SLC24A2: variants seen among roughly 807,000 people sequenced by gnomAD.
SLC24A2 encodes solute carrier family 24 member 2.
SLC24A2 carries 36 observed loss-of-function variants against 62.0 expected under a neutral mutation model. The ratio of observed to expected loss-of-function variants is 0.58; its 90% CI spans 0.44 to 0.77. SLC24A2 has a LOEUF of 0.77. SLC24A2 is among the 30% of genes least tolerant of loss of function. The pLI, the probability that SLC24A2 is intolerant of heterozygous loss-of-function variation, is 0.00. For synonymous variants in SLC24A2, 358 were observed against 294.0 expected, an observed-to-expected ratio of 1.22 and a Z score of -2.23; for missense variants, 846 against 817.9, an observed-to-expected ratio of 1.03 and a Z score of -0.42.
In SLC24A2 at chr9:19,549,507, C is replaced by T. The variant is rs150038027; in HGVS notation, c.1479+630G>A. Among the ~76,000 whole-genome samples the T allele has an allele frequency of 1.6e-3, 249 of 152,320 alleles. 1 individual carries two copies. The highest frequency in any genetic ancestry group is 5.8e-3 in the African/African-American group (241 of 41,562). On this transcript the variant is annotated intron_variant, in intron 8 of 10. Transcript: ENST00000341998. ...TTCTGCCTTCTGTCACTGCAACATT[C>T]ACTCTTGGAGTCCTGACTGACCTCT... is the stretch of plus-strand genomic sequence containing the variant.
the SLC24A2 span, among the ~76,000 whole-genome samples, chr9:20,231,821 T>C: frequency 2.6e-5 from 4 of 152,100 alleles, no homozygotes; most frequent in African/African-American, 9.7e-5. Context: ...CCCGTTTTCA[T>C]AGGTAATGCT....
At chr9:20,200,397 G>A in the SLC24A2 span, among the ~76,000 whole-genome samples, 4 of 152,194 alleles carry the variant, frequency 2.6e-5, no homozygotes, top group African/African-American at 9.6e-5. Context: ...TATACTGATG[G>A]CCAGCAGTAA....
intron 2 of SLC24A2, among the ~76,000 whole-genome samples, chr9:19,718,562 T>C (rs977582219): frequency 4.0e-5 from 6 of 151,270 alleles, no homozygotes; most frequent in African/African-American, 1.5e-4. Flanking sequence ...TGGCCCGCCT[T>C]GGCCTCACAA....
chr9:19,883,509 C>G, the SLC24A2 span, among the ~76,000 whole-genome samples: 3 of 151,762 alleles, frequency 2.0e-5, no homozygotes, highest in Admixed American at 6.6e-5. Flanking sequence ...TGCACTTGCT[C>G]AAGTCATTTA....
the SLC24A2 span, among the ~76,000 whole-genome samples, chr9:19,963,114 G>A: frequency 6.6e-6 from 1 of 151,198 alleles, no homozygotes; most frequent in African/African-American, 2.4e-5. Flanking sequence ...ACAAGAAATG[G>A]GGAAAGGATT....
chr9:20,139,001 C>T, the SLC24A2 span, among the ~76,000 whole-genome samples: 1 of 152,230 alleles, frequency 6.6e-6, no homozygotes, highest in Non-Finnish European at 1.5e-5. Flanking sequence ...ACCCCCACTC[C>T]TCCCCGCCTC....
the SLC24A2 span, among the ~76,000 whole-genome samples, chr9:20,051,909 A>G: frequency 6.6e-6 from 1 of 151,934 alleles, no homozygotes; most frequent in African/African-American, 2.4e-5. Context: ...AGTCTTACTG[A>G]GAAGAATCCT....
At position 19,508,512 on chromosome 9, in the gene SLC24A2, G is replaced by A. The variant is rs899089780; in HGVS notation, c.*7641C>T. 1 of 152,174 alleles carries A rather than the reference G, an allele frequency of 6.6e-6. No homozygotes were observed. Among genetic ancestry groups the A allele is most frequent in the African/African-American group, 2.4e-5 (1 of 41,438 alleles). 9.4% of individuals were successfully genotyped at this position (152,174 alleles called of 1,614,324 possible). ...ACTTTTACTCAAATTACATAAAAGG[G>A]CTGGGTATGGTGGCTCATTCCTTTA... On this transcript the variant is annotated 3_prime_UTR_variant, in exon 11 of 11. Transcript: ENST00000341998.
chr9:19,555,247 T>C (rs1182972400), intron 7 of SLC24A2, among the ~76,000 whole-genome samples: 2 of 152,230 alleles, frequency 1.3e-5, no homozygotes, highest in African/African-American at 4.8e-5. Context: ...CTAACTGATC[T>C]AGTGTTCTCT....
the SLC24A2 span, among the ~76,000 whole-genome samples, chr9:20,092,342 G>T: frequency 0.13 from 19,189 of 152,172 alleles, 1,699 homozygotes; most frequent in Admixed American, 0.31. Context: ...TATAAGCTTG[G>T]CCCAACTGTG....
chr9:19,756,552 T>G (rs931561933), intron 2 of SLC24A2, among the ~76,000 whole-genome samples: 1 of 152,230 alleles, frequency 6.6e-6, no homozygotes, highest in Admixed American at 6.5e-5. Flanking sequence ...TATATTATCC[T>G]ACAGTTTCTG....
chr9:19,577,278 T>C (rs1239376592), intron 5 of SLC24A2, among the ~76,000 whole-genome samples: 1 of 150,128 alleles, frequency 6.7e-6, no homozygotes, highest in Admixed American at 6.7e-5. Flanking sequence ...CAAGCAACAC[T>C]AAAGCTTCCC....
chr9:19,907,414 C>T, the SLC24A2 span, among the ~76,000 whole-genome samples: 1 of 152,166 alleles, frequency 6.6e-6, no homozygotes, highest in South Asian at 2.1e-4. Flanking sequence ...TGAAAACTGG[C>T]ACAAGACAGG....
intron 9 of SLC24A2, 117 bp from the exon 10 acceptor site, chr9:19,521,177 G>T: frequency 1.1e-6 from 1 of 916,324 alleles, no homozygotes; most frequent in Non-Finnish European, 1.8e-6. Context: ...TATGCAAAGT[G>T]CTGAGATGAT....
At chr9:20,092,238 ATAAAAGTT>A in the SLC24A2 span, among the ~76,000 whole-genome samples, 3 of 152,222 alleles carry the variant, frequency 2.0e-5, no homozygotes, top group Admixed American at 6.5e-5. Flanking sequence ...TGAACCTAAA[ATAAAAGTT>A]TAAAGAAAAA....
chr9:19,566,578 G>C (rs1305116811), intron 7 of SLC24A2, among the ~76,000 whole-genome samples: 1 of 152,076 alleles, frequency 6.6e-6, no homozygotes, highest in African/African-American at 2.4e-5. Context: ...TCTAGAACTA[G>C]AAATACCATT....
chr9:20,062,228 C>T, the SLC24A2 span, among the ~76,000 whole-genome samples: 2 of 152,002 alleles, frequency 1.3e-5, no homozygotes, highest in Non-Finnish European at 2.9e-5. Context: ...GACCTTCTCT[C>T]GAAACAATAA....
chr9:19,561,995 C>T (rs369908442), intron 7 of SLC24A2, among the ~76,000 whole-genome samples: 54 of 152,242 alleles, frequency 3.5e-4, no homozygotes, highest in African/African-American at 1.2e-3. Context: ...CTAACTTTTC[C>T]GAGAGGCCAA....
chr9:20,104,406 C>T, the SLC24A2 span, among the ~76,000 whole-genome samples: 1 of 152,088 alleles, frequency 6.6e-6, no homozygotes, highest in Non-Finnish European at 1.5e-5. Context: ...GTCAGATTCA[C>T]CAAAGTTGAA....
Sources: allele counts gnomAD v4.1 joint callset (sites outside exome capture counted in the v4.1 genomes callset), GRCh38; gene constraint gnomAD v4.1.1; transcripts MANE v1.5; gene names NCBI Gene and HGNC (gene_info 2026-07-23, HGNC 2026-07-21).